The following FAM110C variants were observed in gnomAD, a reference collection of about 807,000 sequenced individuals.
The protein encoded by FAM110C is protein FAM110C.
A neutral mutation model predicts 15.7 loss-of-function variants in FAM110C; 19 were observed. The ratio of observed to expected loss-of-function variants is 1.21; its 90% CI spans 0.85 to 1.78. The LOEUF (loss-of-function observed/expected upper bound fraction) is 1.78. Among genes scored for constraint, FAM110C ranks in the 40% most tolerant of loss-of-function variants. The probability of loss-of-function intolerance (pLI) is 0.00; values close to 1 mark genes in which losing one functional copy is unlikely to be tolerated. For missense variants in FAM110C, 547 were observed against 495.7 expected (o/e 1.10, Z -0.98); for synonymous variants, 275 against 233.9 (o/e 1.18, Z -1.61).
chr2:45,802 C>A lies in FAM110C; in HGVS notation c.584G>T (p.Arg195Leu). Residue 195 changes from arginine (R) to leucine (L), a missense_variant, in exon 1 of 2, where the codon CGG (arginine) becomes CTG (leucine). Transcript: ENST00000327669. ...PGPEPRVVRR[R>L]GLQRSQSDLS... ...GTCCGACTGTGAGCGCTGCAGCCCC[C>A]GACGCCTCACCACCCGCGGCTCTGG... 1 of 1,551,416 alleles carries A rather than the reference C, an allele frequency of 6.4e-7. No individual in the cohort carries two copies. The highest frequency in any genetic ancestry group is 8.7e-7 in the Non-Finnish European group (1 of 1,151,800).
intron 1 of FAM110C, chr2:42,678 G>T: frequency 3.0e-6 from 1 of 328,962 alleles, no homozygotes; most frequent in Non-Finnish European, 4.3e-6. Flanking sequence ...ACCCCATGGG[G>T]CAAGAAACTT....
Position 39,268 on chromosome 2 carries a change from T to C in FAM110C, c.*2340A>G, listed in dbSNP as rs1260901401. ...AAGTTCTTTAGTTTTACTTTTTATATATATTTTTAGAGACAGGGTCTTGCT... is the reference window on the plus strand; with the variant it reads ...AAGTTCTTTAGTTTTACTTTTTATACATATTTTTAGAGACAGGGTCTTGCT... On this transcript the variant is annotated 3_prime_UTR_variant, in exon 2 of 2. Coordinates refer to ENST00000327669, the MANE Select transcript of FAM110C (RefSeq NM_001077710.3). 1.3e-5 allele frequency: 2 copies of C among 152,334 alleles called. No homozygotes were observed. Among genetic ancestry groups the C allele is most frequent in the African/African-American group, 4.8e-5 (2 of 41,568 alleles). 9.4% of individuals were successfully genotyped at this position (152,334 alleles called of 1,614,324 possible). A position where few individuals can be genotyped will look rare whatever the true frequency, so the allele number is the denominator to read the frequency against.
chr2:46,433 G>C lies in FAM110C; in HGVS notation c.-48C>G. On this transcript the variant is annotated 5_prime_UTR_variant, in exon 1 of 2. Transcript: ENST00000327669. ...GGGGTTCCGGGTCCAGCGGAGACGC[G>C]CTCGAGTGGTAGAGCCAGTCAGTCC... is the stretch of plus-strand genomic sequence containing the variant. 1.6e-6 allele frequency: 2 copies of C among 1,237,442 alleles called. No individual in the cohort carries two copies. Among genetic ancestry groups the C allele is most frequent in the East Asian group, 6.4e-5 (2 of 31,342 alleles). 76.7% of individuals were successfully genotyped at this position (1,237,442 alleles called of 1,614,324 possible).
intron 1 of FAM110C, chr2:42,695 G>A (rs551687647): frequency 2.5e-6 from 1 of 403,930 alleles, no homozygotes; most frequent in Non-Finnish European, 3.3e-6. Context: ...ACTTATAAAC[G>A]TATTTAGTTC....
In FAM110C at chr2:46,354, G is replaced by C. The variant is rs1223498452; in HGVS notation, c.32C>G (p.Pro11Arg). ...GTCCCGGGGAAGGAGCCGCTCGTTC[G>C]GGGGCGCGCTCAGGGCCGCCAGGGC... Reference protein sequence around the residue: MRALAALSAPPNERLLPRDPA... With the variant: MRALAALSAPRNERLLPRDPA... Residue 11 changes from proline (P) to arginine (R), a missense_variant, in exon 1 of 2, where the codon CCG (proline) becomes CGG (arginine). Coordinates refer to ENST00000327669, the MANE Select transcript of FAM110C (RefSeq NM_001077710.3). The C allele has an allele frequency of 1.6e-5, 21 of 1,304,930 alleles. No homozygotes were observed. The highest frequency in any genetic ancestry group is 1.7e-5 in the Non-Finnish European group (17 of 1,030,180). 80.8% of individuals were successfully genotyped at this position (1,304,930 alleles called of 1,614,324 possible). A position where few individuals can be genotyped will look rare whatever the true frequency, so the allele number is the denominator to read the frequency against.
In FAM110C at chr2:46,105, G is replaced by C. The variant is rs759603340; in HGVS notation, c.281C>G (p.Pro94Arg). 1.3e-5 allele frequency: 19 copies of C among 1,505,736 alleles called. No homozygotes were observed. Among genetic ancestry groups the C allele is most frequent in the Non-Finnish European group, 1.7e-5 (19 of 1,134,942 alleles). 93.3% of individuals were successfully genotyped at this position (1,505,736 alleles called of 1,614,324 possible). A position where few individuals can be genotyped will look rare whatever the true frequency, so the allele number is the denominator to read the frequency against. Residue 94 changes from proline to arginine, a missense_variant, in exon 1 of 2, where the codon CCG becomes CGG. Coordinates refer to ENST00000327669, the MANE Select transcript of FAM110C (RefSeq NM_001077710.3). Reference protein sequence around the residue: ...PVARRAIARKPLRPDSLIIYR... With the variant: ...PVARRAIARKRLRPDSLIIYR... ...GATGATCAGCGAGTCCGGTCTCAAC[G>C]GCTTCCGCGCAATAGCCCTGCGCGC...
At chr2:42,361 T>C (rs1282894892) in intron 1 of FAM110C, 2 of 966,728 alleles carry the variant, frequency 2.1e-6, no homozygotes, top group Admixed American at 6.2e-5. Flanking sequence ...TTATGCCTAA[T>C]TTCCCAAAGG....
chr2:46,076 G>A lies in FAM110C; in HGVS notation c.310C>T (p.Arg104Trp), dbSNP rs1213065609. 2.0e-6 allele frequency: 3 copies of A among 1,525,248 alleles called. No individual in the cohort carries two copies. Among genetic ancestry groups the A allele is most frequent in the South Asian group, 1.2e-5 (1 of 82,544 alleles). 94.5% of individuals were successfully genotyped at this position (1,525,248 alleles called of 1,614,324 possible). Residue 104 changes from arginine to tryptophan, a missense_variant, in exon 1 of 2, where the codon CGG becomes TGG. Transcript: ENST00000327669. Reference sequence around the variant, plus strand: ...CCTCGCACGAATTCGCATTTCTGCCGGTAGATGATCAGCGAGTCCGGTCTC... The same window carrying A: ...CCTCGCACGAATTCGCATTTCTGCCAGTAGATGATCAGCGAGTCCGGTCTC... ...PLRPDSLIIY[R>W]QKCEFVRGSG...
chr2:43,096 A>T (rs1187203267), intron 1 of FAM110C: 11 of 985,416 alleles, frequency 1.1e-5, no homozygotes, highest in African/African-American at 1.7e-5. Context: ...TGTTCCGGTG[A>T]TCTGGAGAAA....
intron 1 of FAM110C, 157 bp downstream of exon 1, chr2:45,283 C>T (rs1170465961): frequency 2.0e-6 from 2 of 985,398 alleles, no homozygotes; most frequent in Non-Finnish European, 2.4e-6. Flanking sequence ...AACTCACAAG[C>T]CTCTGCGTCA....
At chr2:43,158 T>C (rs1664173255) in intron 1 of FAM110C, 1 of 985,338 alleles carries the variant, frequency 1.0e-6, no homozygotes, top group Non-Finnish European at 1.2e-6. Flanking sequence ...AGCCGGGCAG[T>C]AAGTCTCTGC....
chr2:45,906 C>A lies in FAM110C; in HGVS notation c.480G>T (p.Ala160=). Residue 160 remains alanine (A), a synonymous_variant, in exon 1 of 2, where the codon GCG becomes GCT. Transcript: ENST00000327669. ...ETVPTTPGPA[A]DPAIPETPAP... ...CTGGGGTCTCGGGGATTGCGGGGTC[C>A]GCCGCGGGGCCAGGAGTGGTCGGGA... The A allele has an allele frequency of 7.1e-7, 1 of 1,414,724 alleles. No individual in the cohort carries two copies. Among genetic ancestry groups the A allele is most frequent in the Non-Finnish European group, 9.1e-7 (1 of 1,098,634 alleles). The allele number at this position is 1,414,724 out of a possible 1,614,324, so 87.6% of individuals were successfully genotyped here. A position where few individuals can be genotyped will look rare whatever the true frequency, so the allele number is the denominator to read the frequency against.
chr2:42,253 C>A lies in FAM110C; in HGVS notation c.947-626G>T, dbSNP rs143549356. 1.2e-3 allele frequency: 1,152 copies of A among 985,304 alleles called. 6 individuals are homozygous for A. The African/African-American group carries it at 0.018, about 16-fold the overall frequency. 61.0% of individuals were successfully genotyped at this position (985,304 alleles called of 1,614,324 possible). Reference sequence around the variant, plus strand: ...AACTCTGTTCCAGGAGCTTTCGATGCGCTTCTACAGGTATTTCTTTTTTCT... The same window carrying A: ...AACTCTGTTCCAGGAGCTTTCGATGAGCTTCTACAGGTATTTCTTTTTTCT... On this transcript the variant is annotated intron_variant, in intron 1 of 1. Transcript: ENST00000327669.
Position 46,192 on chromosome 2 carries a change from G to T in FAM110C, c.194C>A (p.Pro65Gln). Reference protein sequence around the residue: ...GRGVASEGSGPGAIKCPGNDP... With the variant: ...GRGVASEGSGQGAIKCPGNDP... ...GTTCCCCGGGCACTTGATCGCCCCC[G>T]GGCCGCTGCCCTCGGAAGCGACGCC... Residue 65 changes from proline (P) to glutamine (Q), a missense_variant, in exon 1 of 2, where the codon CCG becomes CAG. Physicochemically the swap from Pro to Gln is moderately conservative, Grantham distance 76 (BLOSUM62 -1). Coordinates refer to ENST00000327669, the MANE Select transcript of FAM110C (RefSeq NM_001077710.3). 2 of 1,384,198 alleles carry T rather than the reference G, an allele frequency of 1.4e-6. No homozygotes were observed. The highest frequency in any genetic ancestry group is 1.9e-6 in the Non-Finnish European group (2 of 1,076,650). The allele number at this position is 1,384,198 out of a possible 1,614,324, so 85.7% of individuals were successfully genotyped here.
intron 1 of FAM110C, chr2:42,207 AT>A (rs1664145154): frequency 2.0e-6 from 2 of 985,306 alleles, no homozygotes; most frequent in African/African-American, 3.5e-5. Flanking sequence ...TTTTTTCTGC[AT>A]CTTTGCAAAT....
At chr2:44,435 G>C in intron 1 of FAM110C, 1 of 985,328 alleles carries the variant, frequency 1.0e-6, no homozygotes, top group Non-Finnish European at 1.2e-6. Flanking sequence ...AGGCTGCCAT[G>C]CATCTTCACT....
chr2:43,582 T>G, intron 1 of FAM110C: 2 of 985,442 alleles, frequency 2.0e-6, no homozygotes, highest in Non-Finnish European at 1.2e-6. Flanking sequence ...TGAAGTCAAC[T>G]AAATTCTCAT....
At position 46,344 on chromosome 2, in the gene FAM110C, C is replaced by A; in HGVS notation, c.42G>T (p.Arg14=). Residue 14 remains arginine (R), a synonymous_variant, in exon 1 of 2, where the codon CGG becomes CGT. Coordinates refer to ENST00000327669, the MANE Select transcript of FAM110C (RefSeq NM_001077710.3). ...LAALSAPPNE[R]LLPRDPAATR... ...TAGCCGCGGGGTCCCGGGGAAGGAG[C>A]CGCTCGTTCGGGGGCGCGCTCAGGG... The A allele has an allele frequency of 7.6e-7, 1 of 1,309,896 alleles. No homozygotes were observed. Among genetic ancestry groups the A allele is most frequent in the Non-Finnish European group, 9.7e-7 (1 of 1,033,772 alleles). 81.1% of individuals were successfully genotyped at this position (1,309,896 alleles called of 1,614,324 possible).
intron 1 of FAM110C, among the ~76,000 whole-genome samples, chr2:42,561 C>G (rs926275006): frequency 6.6e-6 from 1 of 152,184 alleles, no homozygotes; most frequent in East Asian, 1.9e-4. Context: ...CAAAATTACC[C>G]ATGTACAACC....
Sources: allele counts gnomAD v4.1 joint callset (sites outside exome capture counted in the v4.1 genomes callset), GRCh38; gene constraint gnomAD v4.1.1; transcripts MANE v1.5; gene names NCBI Gene and HGNC (gene_info 2026-07-23, HGNC 2026-07-21).